The following GALNT18 variants were observed in gnomAD, a reference collection of about 807,000 sequenced individuals.
GALNT18 encodes polypeptide N-acetylgalactosaminyltransferase 18.
GALNT18 carries 44 observed loss-of-function variants against 69.5 expected under a neutral mutation model. The observed-to-expected ratio is 0.63, with a 90% CI of 0.50 to 0.81. The LOEUF (loss-of-function observed/expected upper bound fraction) is 0.81, where lower values mean the gene tolerates loss of function less well. Ranked by LOEUF, GALNT18 falls within the 40% of genes least tolerant of loss-of-function variation. GALNT18 has a pLI of 0.00. For missense variants in GALNT18, 715 were observed against 810.0 expected, an observed-to-expected ratio of 0.88 and a Z score of 1.42; for synonymous variants, 364 against 318.2, an observed-to-expected ratio of 1.14 and a Z score of -1.53.
In GALNT18 at chr11:11,600,520, T is replaced by C. The variant is rs944922968; in HGVS notation, c.235+20839A>G. On this transcript the variant is annotated intron_variant, in intron 1 of 10. Coordinates refer to ENST00000227756, the MANE Select transcript of GALNT18 (RefSeq NM_198516.3). The surrounding 1 kb of genome is among the most constrained non-coding windows in gnomAD (Gnocchi z 4.8). ...GATGAGAATTCAGCTGCTAATCTTATCAGTATTCTCTTGTAGGTGATAAGT... is the reference window on the plus strand; with the variant it reads ...GATGAGAATTCAGCTGCTAATCTTACCAGTATTCTCTTGTAGGTGATAAGT... Among the ~76,000 whole-genome samples the C allele has an allele frequency of 3.3e-5, 5 of 152,100 alleles. No individual in the cohort carries two copies. Among genetic ancestry groups the C allele is most frequent in the Non-Finnish European group, 7.4e-5 (5 of 67,958 alleles).
rs1057343661 is a variant in GALNT18 at position 11,605,442 on chromosome 11, C to T, written c.235+15917G>A. ...CAGCAAGTCCTAACTTGCCAGGCCGCCAGTCACCGCCACCCTGAAGACACA... is the reference window on the plus strand; with the variant it reads ...CAGCAAGTCCTAACTTGCCAGGCCGTCAGTCACCGCCACCCTGAAGACACA... On this transcript the variant is annotated intron_variant, in intron 1 of 10. Transcript: ENST00000227756. The surrounding 1 kb of genome is among the most constrained non-coding windows in gnomAD (Gnocchi z 4.7). 5.3e-5 allele frequency among the ~76,000 whole-genome samples: 8 copies of T among 152,198 alleles called. No homozygotes were observed. The highest frequency in any genetic ancestry group is 2.0e-4 in the Admixed American group (3 of 15,282).
intron 1 of GALNT18, among the ~76,000 whole-genome samples, chr11:11,493,271 A>G: frequency 4.3e-5 from 1 of 23,324 alleles, no homozygotes; most frequent in East Asian, 5.7e-4. Context: ...TCATCTCAAA[A>G]AAAAAAAAAA....
Position 11,347,021 on chromosome 11 carries a change from C to T in GALNT18, c.1093-6017G>A, listed in dbSNP as rs1210201626. ...AGCAAAGGCGGGCATGTAGTGGGTTCTCAGGGAGGCTCAGATCACTTTCTT... is the reference window on the plus strand; with the variant it reads ...AGCAAAGGCGGGCATGTAGTGGGTTTTCAGGGAGGCTCAGATCACTTTCTT... On this transcript the variant is annotated intron_variant, in intron 6 of 10. Coordinates refer to ENST00000227756, the MANE Select transcript of GALNT18 (RefSeq NM_198516.3). This position sits in a 1 kb window ranked among gnomAD's most constrained non-coding sequence, Gnocchi z 4.0. 1.3e-5 allele frequency among the ~76,000 whole-genome samples: 2 copies of T among 152,152 alleles called. No individual in the cohort carries two copies. Among genetic ancestry groups the T allele is most frequent in the African/African-American group, 4.8e-5 (2 of 41,436 alleles).
intron 3 of GALNT18, among the ~76,000 whole-genome samples, chr11:11,412,785 C>T (rs1589980498): frequency 6.6e-6 from 1 of 152,212 alleles, no homozygotes; most frequent in Non-Finnish European, 1.5e-5. Flanking sequence ...TAACCATCCT[C>T]CTTACTCCTA....
At position 11,448,920 on chromosome 11, in the gene GALNT18, A is replaced by C. The variant is rs752699605; in HGVS notation, c.252T>G (p.Pro84=). Residue 84 remains proline, a synonymous_variant, in exon 2 of 11, where the codon CCT becomes CCG. Coordinates refer to ENST00000227756, the MANE Select transcript of GALNT18 (RefSeq NM_198516.3). ...TGAAGGGCTCGGCCTCTGCCTCCTC[A>C]GGCTTGGCAGGAGCCTCTGGAGAAA... ...KQHIQEAPAK[P]EEAEAEPFTD... 3.8e-6 allele frequency: 6 copies of C among 1,590,216 alleles called. No individual in the cohort carries two copies. Among genetic ancestry groups the C allele is most frequent in the Non-Finnish European group, 4.3e-6 (5 of 1,168,746 alleles).
intron 6 of GALNT18, among the ~76,000 whole-genome samples, chr11:11,368,618 A>T (rs1850825931): frequency 6.6e-6 from 1 of 152,072 alleles, no homozygotes; most frequent in Non-Finnish European, 1.5e-5. Context: ...AATAATGTTC[A>T]TGTAGCCGTT....
intron 1 of GALNT18, among the ~76,000 whole-genome samples, chr11:11,520,803 G>T (rs1010680647): frequency 6.6e-6 from 1 of 152,206 alleles, no homozygotes; most frequent in South Asian, 2.1e-4. Flanking sequence ...CTGTGGATCA[G>T]TCCGGGGAGG....
intron 1 of GALNT18, among the ~76,000 whole-genome samples, chr11:11,574,374 G>A (rs1858869486): frequency 6.6e-6 from 1 of 152,204 alleles, no homozygotes; most frequent in Admixed American, 6.5e-5. Context: ...CCTGAGGGCT[G>A]GATAGGTACC....
At chr11:11,316,517 T>C (rs1849758428) in intron 9 of GALNT18, among the ~76,000 whole-genome samples, 1 of 152,156 alleles carries the variant, frequency 6.6e-6, no homozygotes, top group Non-Finnish European at 1.5e-5. Context: ...TAAAATAGAG[T>C]ACTTCTTTCA....
At chr11:11,559,530 G>C (rs2133980048) in intron 1 of GALNT18, among the ~76,000 whole-genome samples, 1 of 152,140 alleles carries the variant, frequency 6.6e-6, no homozygotes, top group East Asian at 1.9e-4. Flanking sequence ...GGATAGGATG[G>C]GATAGAATAG....
At chr11:11,290,405 C>T (rs1326922672) in intron 10 of GALNT18, among the ~76,000 whole-genome samples, 3 of 152,274 alleles carry the variant, frequency 2.0e-5, no homozygotes, top group African/African-American at 7.2e-5. Context: ...CAGACCTAAA[C>T]ATGACCTGGG....
intron 1 of GALNT18, among the ~76,000 whole-genome samples, chr11:11,569,096 C>T (rs1284543681): frequency 2.0e-5 from 3 of 152,266 alleles, no homozygotes; most frequent in South Asian, 4.1e-4. Flanking sequence ...CCATTGTAGT[C>T]AAGGATTTAC....
intron 1 of GALNT18, among the ~76,000 whole-genome samples, chr11:11,490,904 T>C (rs186613421): frequency 1.3e-5 from 2 of 152,310 alleles, no homozygotes; most frequent in East Asian, 3.9e-4. Context: ...CTAAATGCAC[T>C]ATTATTCTGG....
At chr11:11,424,238 G>C (rs569537877) in intron 3 of GALNT18, among the ~76,000 whole-genome samples, 76 of 152,320 alleles carry the variant, frequency 5.0e-4, no homozygotes, top group Non-Finnish European at 8.8e-5. Flanking sequence ...CCTGGCTCTG[G>C]TCTGCCCTCC....
intron 6 of GALNT18, among the ~76,000 whole-genome samples, chr11:11,358,859 A>ACACACACACG (rs1554921791): frequency 0.1 from 13,171 of 129,692 alleles, 2,155 homozygotes; most frequent in Middle Eastern, 0.14. Flanking sequence ...ACACACACAC[A>ACACACACACG]CACGCACAGA....
intron 1 of GALNT18, among the ~76,000 whole-genome samples, chr11:11,566,501 T>C (rs1262648733): frequency 6.6e-6 from 1 of 152,240 alleles, no homozygotes; most frequent in Non-Finnish European, 1.5e-5. Context: ...TGCAGGAGAA[T>C]ATCTCTGCTC....
intron 1 of GALNT18, among the ~76,000 whole-genome samples, chr11:11,498,653 G>T (rs1590054230): frequency 6.6e-6 from 1 of 152,190 alleles, no homozygotes; most frequent in African/African-American, 2.4e-5. Flanking sequence ...CAAAAAATCA[G>T]CCGGGCATGG....
In GALNT18 at chr11:11,341,969, T is replaced by A. The variant is rs536499699; in HGVS notation, c.1093-965A>T. On this transcript the variant is annotated intron_variant, in intron 6 of 10. Coordinates refer to ENST00000227756, the MANE Select transcript of GALNT18 (RefSeq NM_198516.3). The surrounding 1 kb of genome is among the most constrained non-coding windows in gnomAD (Gnocchi z 6.3). ...AGATCCTGTCTCTAAAACATTAAAA[T>A]TTTTTTTTTTTTAAAAAGACCTTGA... Among the ~76,000 whole-genome samples, 96 of 68,874 alleles carry A rather than the reference T, an allele frequency of 1.4e-3. 2 individuals are homozygous for A. In the South Asian group the frequency reaches 0.037, roughly 27 times the overall value. 45.2% of individuals were successfully genotyped at this position (68,874 alleles called of 152,430 possible).
intron 1 of GALNT18, among the ~76,000 whole-genome samples, chr11:11,455,619 C>G (rs1855908267): frequency 6.6e-6 from 1 of 152,172 alleles, no homozygotes; most frequent in African/African-American, 2.4e-5. Context: ...AAGCCAGACC[C>G]AGAGCATCCA....
Sources: allele counts gnomAD v4.1 joint callset (sites outside exome capture counted in the v4.1 genomes callset), GRCh38; gene constraint gnomAD v4.1.1; non-coding constraint Gnocchi (gnomAD v3.1); transcripts MANE v1.5; gene names NCBI Gene and HGNC (gene_info 2026-07-23, HGNC 2026-07-21).